Variants in COL4A2 observed in about 807,000 individuals in gnomAD.
The protein encoded by COL4A2 is collagen type IV alpha 2 chain, also known as collagen alpha-2(IV) chain.
In COL4A2, 99 loss-of-function variants were observed where a neutral mutation model predicts 200.2. The ratio of observed to expected loss-of-function variants is 0.49; its 90% CI spans 0.42 to 0.58. The LOEUF (loss-of-function observed/expected upper bound fraction) is 0.58, where lower values mean the gene tolerates loss of function less well. Ranked by LOEUF, COL4A2 falls within the 20% of genes least tolerant of loss-of-function variation. The pLI is 0.00. For synonymous variants in COL4A2, 897 were observed against 900.6 expected, an observed-to-expected ratio of 1.00 and a Z score of 0.07; for missense variants, 1,950 against 2,314.1, an observed-to-expected ratio of 0.84 and a Z score of 3.23.
At chr13:110,381,200 T>C (rs1243526760) in intron 4 of COL4A2, among the ~76,000 whole-genome samples, 1 of 126,638 alleles carries the variant, frequency 7.9e-6, no homozygotes, top group African/African-American at 3.1e-5. Flanking sequence ...CTCTATCTCA[T>C]ACCCACAGGT....
intron 4 of COL4A2, among the ~76,000 whole-genome samples, chr13:110,401,672 C>T (rs970614786): frequency 1.7e-4 from 26 of 152,186 alleles, no homozygotes; most frequent in Admixed American, 1.2e-3. Context: ...TGGTCTAAAA[C>T]GTCTTGAAAA....
At chr13:110,505,088 C>T (rs111454414) in intron 45 of COL4A2, among the ~76,000 whole-genome samples, 42 of 152,008 alleles carry the variant, frequency 2.8e-4, no homozygotes, top group East Asian at 9.7e-4. Context: ...CGGTGGCTCA[C>T]GCCTGTAATC....
At chr13:110,437,043 A>G (rs1257830250) in intron 13 of COL4A2, among the ~76,000 whole-genome samples, 1 of 152,248 alleles carries the variant, frequency 6.6e-6, no homozygotes, top group African/African-American at 2.4e-5. Flanking sequence ...GGCACGCAGA[A>G]TATCTGGGAA....
intron 4 of COL4A2, among the ~76,000 whole-genome samples, chr13:110,405,150 G>T (rs762722677): frequency 6.6e-6 from 1 of 152,122 alleles, no homozygotes; most frequent in East Asian, 1.9e-4. Flanking sequence ...ATTTAAAAAC[G>T]TTAGGAAGAG....
chr13:110,438,067 C>G (rs1459683754), intron 14 of COL4A2, 30 bp downstream of exon 14: 3 of 1,603,154 alleles, frequency 1.9e-6, no homozygotes, highest in East Asian at 2.2e-5. Context: ...TGCCCCCTCC[C>G]CTGTGGCTCC....
chr13:110,476,683 C>T (rs1250396411), intron 29 of COL4A2, among the ~76,000 whole-genome samples: 5 of 152,224 alleles, frequency 3.3e-5, no homozygotes. Flanking sequence ...TGTGCACCTC[C>T]GGTGTTAATA....
chr13:110,506,668 C>T (rs1883896178), intron 46 of COL4A2, 62 bp downstream of exon 46: 1 of 1,476,154 alleles, frequency 6.8e-7, no homozygotes, highest in South Asian at 1.4e-5. Context: ...TGGCCAAGAT[C>T]AAAGGGCCAC....
At chr13:110,325,623 C>G (rs1885386178) in intron 3 of COL4A2, among the ~76,000 whole-genome samples, 1 of 152,208 alleles carries the variant, frequency 6.6e-6, no homozygotes, top group South Asian at 2.1e-4. Context: ...CTCCTGGAGG[C>G]TTCTAATCCC....
intron 3 of COL4A2, among the ~76,000 whole-genome samples, chr13:110,337,596 C>G (rs1028320238): frequency 5.3e-5 from 8 of 152,192 alleles, no homozygotes; most frequent in Admixed American, 1.3e-4. Flanking sequence ...CCATGGTGTC[C>G]AGACTGGGGG....
rs543231362 is a variant in COL4A2 at position 110,413,742 on chromosome 13, G to A, written c.181-10992G>A. ...GGGGGCAAGGCAGACAGGTCTCTCA[G>A]AGGCCCCCTTACCTTTGCTTCACAA... On this transcript the variant is annotated intron_variant, in intron 4 of 47. Transcript: ENST00000360467. Among the ~76,000 whole-genome samples, 6 of 152,338 alleles carry A rather than the reference G, an allele frequency of 3.9e-5. No homozygotes were observed. The South Asian group carries it at 1.2e-3, about 32-fold the overall frequency.
chr13:110,324,004 A>C (rs546313062), intron 3 of COL4A2, among the ~76,000 whole-genome samples: 20 of 152,322 alleles, frequency 1.3e-4, no homozygotes, highest in African/African-American at 4.6e-4. Flanking sequence ...CAGTCGAAAA[A>C]ATTATTGGGT....
At chr13:110,387,667 C>T (rs1333149840) in intron 4 of COL4A2, among the ~76,000 whole-genome samples, 3 of 152,228 alleles carry the variant, frequency 2.0e-5, no homozygotes, top group East Asian at 3.8e-4. Flanking sequence ...ATCTGGAGTT[C>T]GGTTTTTCTA....
At chr13:110,401,382 T>C (rs943017549) in intron 4 of COL4A2, among the ~76,000 whole-genome samples, 2 of 152,236 alleles carry the variant, frequency 1.3e-5, no homozygotes, top group Admixed American at 6.5e-5. Flanking sequence ...TGTGTCAAAC[T>C]CCACAAAGGT....
chr13:110,309,245 T>G (rs1884905650), intron 3 of COL4A2, among the ~76,000 whole-genome samples: 1 of 152,218 alleles, frequency 6.6e-6, no homozygotes, highest in African/African-American at 2.4e-5. Context: ...TGCTGTTGGT[T>G]CCGGTTCAAA....
At chr13:110,379,562 G>T (rs566188992) in intron 4 of COL4A2, among the ~76,000 whole-genome samples, 4 of 152,312 alleles carry the variant, frequency 2.6e-5, no homozygotes, top group African/African-American at 9.6e-5. Flanking sequence ...AAGCTGCAAG[G>T]CTCCTCCCTT....
chr13:110,394,491 C>G (rs961763940), intron 4 of COL4A2, among the ~76,000 whole-genome samples: 1 of 152,208 alleles, frequency 6.6e-6, no homozygotes, highest in African/African-American at 2.4e-5. Context: ...GGGGATGTTT[C>G]ACAGCCACAA....
chr13:110,343,684 G>A lies in COL4A2; in HGVS notation c.100-13788G>A, dbSNP rs79325334. ...GCTGAGCCTGCCCGGGCAGCGCAGCGCTGCTGTGTGCCAATGCAAACGGGG... is the reference window on the plus strand; with the variant it reads ...GCTGAGCCTGCCCGGGCAGCGCAGCACTGCTGTGTGCCAATGCAAACGGGG... On this transcript the variant is annotated intron_variant, in intron 3 of 47. Transcript: ENST00000360467. Among the ~76,000 whole-genome samples, 1,398 of 152,332 alleles carry A rather than the reference G, an allele frequency of 9.2e-3. 23 individuals are homozygous for A. The highest frequency in any genetic ancestry group is 0.033 in the African/African-American group (1,357 of 41,570).
chr13:110,487,989 A>G (rs890212139), intron 34 of COL4A2, among the ~76,000 whole-genome samples: 3 of 152,152 alleles, frequency 2.0e-5, no homozygotes, highest in African/African-American at 4.8e-5. Context: ...CAGCCTGTGG[A>G]TACCCTCCCC....
intron 3 of COL4A2, among the ~76,000 whole-genome samples, chr13:110,318,708 G>A (rs908584368): frequency 2.0e-5 from 3 of 152,130 alleles, no homozygotes; most frequent in Non-Finnish European, 4.4e-5. Flanking sequence ...GTGCCCAGAG[G>A]AGCAAGAAGA....
Sources: allele counts gnomAD v4.1 joint callset (sites outside exome capture counted in the v4.1 genomes callset), GRCh38; gene constraint gnomAD v4.1.1; transcripts MANE v1.5; gene names NCBI Gene and HGNC (gene_info 2026-07-23, HGNC 2026-07-21).